Variants in HEMK2 observed in about 807,000 individuals in gnomAD.
HEMK2 encodes methyltransferase HEMK2.
chr21:28,836,233 G>A, the HEMK2 span, among the ~76,000 whole-genome samples: 5 of 152,246 alleles, frequency 3.3e-5, no homozygotes, highest in African/African-American at 1.2e-4. Context: ...AGAGCTGTGA[G>A]ACAGAAGCAC....
the HEMK2 span, among the ~76,000 whole-genome samples, chr21:28,609,149 C>T: frequency 4.6e-5 from 7 of 152,182 alleles, no homozygotes; most frequent in Admixed American, 3.9e-4. Context: ...GAATCCACTT[C>T]ACTCCCCTGC....
the HEMK2 span, among the ~76,000 whole-genome samples, chr21:28,867,458 A>G: frequency 6.6e-6 from 1 of 152,330 alleles, no homozygotes; most frequent in African/African-American, 2.4e-5. Flanking sequence ...GAACTAAAGG[A>G]AGTTCTAACA....
At chr21:28,879,841 T>G in the HEMK2 span, 6 of 1,453,122 alleles carry the variant, frequency 4.1e-6, no homozygotes, top group South Asian at 6.6e-5. Flanking sequence ...TTGAAAATAT[T>G]AATAATTAAA....
chr21:28,750,478 C>A, the HEMK2 span, among the ~76,000 whole-genome samples: 4 of 152,018 alleles, frequency 2.6e-5, no homozygotes, highest in Non-Finnish European at 5.9e-5. Context: ...GCAGGCAGAT[C>A]GCTTGAGGCC....
chr21:28,885,100 A>C, the HEMK2 span: 1 of 1,389,916 alleles, frequency 7.2e-7, no homozygotes, highest in Non-Finnish European at 9.5e-7. Flanking sequence ...CTGCAAGTGG[A>C]CCCCGCCTGC....
At chr21:28,792,995 T>G in the HEMK2 span, among the ~76,000 whole-genome samples, 2 of 152,212 alleles carry the variant, frequency 1.3e-5, no homozygotes, top group East Asian at 3.9e-4. Context: ...GGATTTATAA[T>G]TACCACCTTA....
chr21:28,803,920 GA>G, the HEMK2 span, among the ~76,000 whole-genome samples: 1 of 152,218 alleles, frequency 6.6e-6, no homozygotes, highest in African/African-American at 2.4e-5. Context: ...GAAGGGCAAC[GA>G]GTTATGCATA....
the HEMK2 span, among the ~76,000 whole-genome samples, chr21:28,787,593 A>G: frequency 2.6e-5 from 4 of 152,348 alleles, no homozygotes; most frequent in South Asian, 8.3e-4. Context: ...AATGGCCAAC[A>G]AACACATTTA....
the HEMK2 span, among the ~76,000 whole-genome samples, chr21:28,675,730 C>A: frequency 6.6e-6 from 1 of 152,200 alleles, no homozygotes; most frequent in Non-Finnish European, 1.5e-5. Flanking sequence ...GGACTGAGAA[C>A]AGAGAGTTGA....
the HEMK2 span, among the ~76,000 whole-genome samples, chr21:28,767,685 CAGGTCTTACTCT>C: frequency 6.6e-6 from 1 of 152,086 alleles, no homozygotes; most frequent in Non-Finnish European, 1.5e-5. Flanking sequence ...GCATATGAAA[CAGGTCTTACTCT>C]ATAGTCAAGT....
the HEMK2 span, among the ~76,000 whole-genome samples, chr21:28,673,393 A>G: frequency 6.6e-6 from 1 of 152,232 alleles, no homozygotes; most frequent in Admixed American, 6.5e-5. Context: ...CATTGCTGAA[A>G]GTGGATTTAA....
At chr21:28,800,799 G>A in the HEMK2 span, among the ~76,000 whole-genome samples, 3 of 152,182 alleles carry the variant, frequency 2.0e-5, no homozygotes, top group Non-Finnish European at 4.4e-5. Flanking sequence ...AATTTTCATT[G>A]ATTTCAAGTA....
At chr21:28,639,513 T>C in the HEMK2 span, among the ~76,000 whole-genome samples, 1 of 152,096 alleles carries the variant, frequency 6.6e-6, no homozygotes, top group Admixed American at 6.5e-5. Context: ...TGATAAAATA[T>C]ATAGTAAAGA....
the HEMK2 span, among the ~76,000 whole-genome samples, chr21:28,660,783 T>A: frequency 6.6e-6 from 1 of 152,044 alleles, no homozygotes; most frequent in Non-Finnish European, 1.5e-5. Context: ...GTTCCCCTAT[T>A]ACTATTTTTT....
chr21:28,683,616 C>T, the HEMK2 span, among the ~76,000 whole-genome samples: 5 of 152,090 alleles, frequency 3.3e-5, no homozygotes, highest in African/African-American at 7.2e-5. Flanking sequence ...TGATGATGCA[C>T]GTTCATGGAA....
chr21:28,873,703 T>C, the HEMK2 span: 1 of 152,228 alleles, frequency 6.6e-6, no homozygotes, highest in African/African-American at 2.4e-5. Flanking sequence ...TTCTACTTGG[T>C]AGTCAGGAAC....
chr21:28,883,073 T>TG, the HEMK2 span: 1 of 1,590,230 alleles, frequency 6.3e-7, no homozygotes, highest in African/African-American at 1.4e-5. Context: ...ATTTCCACTC[T>TG]GAAAAAAAAA....
chr21:28,814,374 T>G, the HEMK2 span, among the ~76,000 whole-genome samples: 1 of 151,482 alleles, frequency 6.6e-6, no homozygotes, highest in South Asian at 2.1e-4. Context: ...AAGACAAAAT[T>G]GACAAACGGG....
the HEMK2 span, among the ~76,000 whole-genome samples, chr21:28,595,988 G>A: frequency 7.5e-3 from 1,132 of 151,596 alleles, 23 homozygotes; most frequent in African/African-American, 0.027. Flanking sequence ...GTTTCACCAT[G>A]TTAGCCAAGG....
Sources: gnomAD v4.1 joint callset for allele counts (sites outside exome capture counted in the v4.1 genomes callset) on GRCh38, gnomAD v4.1.1 for gene constraint, MANE v1.5 for transcripts, NCBI Gene and HGNC (gene_info 2026-07-23, HGNC 2026-07-21) for gene names.